Variants in SLCO1A2 observed in about 807,000 individuals in gnomAD.
The protein encoded by SLCO1A2 is OATP-1.
In SLCO1A2, 67 loss-of-function variants were observed where a neutral mutation model predicts 69.0. The ratio of observed to expected loss-of-function variants is 0.97; its 90% confidence interval spans 0.80 to 1.19. SLCO1A2 has a LOEUF of 1.19. Among genes scored for constraint, SLCO1A2 ranks in the 50% most tolerant of loss-of-function variants. The pLI is 0.00. For missense variants in SLCO1A2, 787 were observed against 793.7 expected (o/e 0.99, Z 0.10); for synonymous variants, 260 against 265.9 (o/e 0.98, Z 0.22).
intron 4 of SLCO1A2, among the ~76,000 whole-genome samples, chr12:21,312,714 G>A (rs1409994598): frequency 1.3e-5 from 2 of 151,932 alleles, no homozygotes; most frequent in East Asian, 1.9e-4. Flanking sequence ...CCAAGGAAAG[G>A]GCAAAAAATG....
intron 2 of SLCO1A2, among the ~76,000 whole-genome samples, chr12:21,361,336 A>C (rs1411743877): frequency 1.3e-5 from 2 of 152,240 alleles, no homozygotes; most frequent in Non-Finnish European, 2.9e-5. Context: ...GACTGTTAGA[A>C]GGAAAACTAA....
At chr12:21,277,874 G>A (rs1944153885) in intron 12 of SLCO1A2, among the ~76,000 whole-genome samples, 1 of 152,168 alleles carries the variant, frequency 6.6e-6, no homozygotes, top group South Asian at 2.1e-4. Flanking sequence ...CCAGGCCAGG[G>A]TCTGGTAATA....
intron 2 of SLCO1A2, among the ~76,000 whole-genome samples, chr12:21,344,908 C>T (rs1953203070): frequency 6.6e-6 from 1 of 151,950 alleles, no homozygotes; most frequent in South Asian, 2.1e-4. Flanking sequence ...ATTGCTTCTA[C>T]CTTTTCTTGA....
intron 1 of SLCO1A2, among the ~76,000 whole-genome samples, chr12:21,401,188 T>G (rs1941690745): frequency 6.6e-6 from 1 of 151,856 alleles, no homozygotes; most frequent in South Asian, 2.1e-4. Flanking sequence ...CAAAATATAT[T>G]TAATTATAGA....
Position 21,381,195 on chromosome 12 carries a change from C to T in SLCO1A2, c.-189-6670G>A, listed in dbSNP as rs183272777. 3.3e-5 allele frequency among the ~76,000 whole-genome samples: 5 copies of T among 152,044 alleles called. No homozygotes were observed. In the South Asian group the frequency reaches 8.3e-4, roughly 25 times the overall value. ...GTAATTAAACTAAAAAGCTTCTGCA[C>T]AGCAGGAGAAATAATAAACAGAGTA... On this transcript the variant is annotated intron_variant, in intron 1 of 15. Transcript: ENST00000307378.
At chr12:21,305,456 T>C (rs1949249295) in intron 5 of SLCO1A2, among the ~76,000 whole-genome samples, 3 of 152,254 alleles carry the variant, frequency 2.0e-5, no homozygotes, top group Admixed American at 6.5e-5. Flanking sequence ...TTGTGAGTGC[T>C]ATCTCTCCAT....
At chr12:21,391,232 A>G (rs1385857893) in intron 1 of SLCO1A2, among the ~76,000 whole-genome samples, 1 of 152,112 alleles carries the variant, frequency 6.6e-6, no homozygotes, top group African/African-American at 2.4e-5. Flanking sequence ...CAGCATTACT[A>G]TAAGTGATGA....
At position 21,269,735 on chromosome 12, in the gene SLCO1A2, CTT is replaced by C; in HGVS notation, c.1824_1825del (p.Gly610IlefsTer21). On this transcript the variant is annotated frameshift_variant, in exon 15 of 15. Transcript: ENST00000683939. LOFTEE classifies it low-confidence loss of function (END_TRUNC). ...TAAGGCTGGAACAAAGCTTGATCCT[CTT>C]AGTGCTGCCGGCAATCCGAGGTAGA... 1.9e-6 allele frequency: 3 copies of C among 1,611,804 alleles called. No homozygotes were observed. Among genetic ancestry groups the C allele is most frequent in the Non-Finnish European group, 2.5e-6 (3 of 1,178,564 alleles).
chr12:21,333,349 CTG>C (rs1952728480), intron 2 of SLCO1A2, among the ~76,000 whole-genome samples: 1 of 152,100 alleles, frequency 6.6e-6, no homozygotes, highest in Non-Finnish European at 1.5e-5. Flanking sequence ...TAAATAATCT[CTG>C]TATTTATAAA....
At chr12:21,283,978 C>T (rs980011274) in intron 12 of SLCO1A2, among the ~76,000 whole-genome samples, 1 of 152,104 alleles carries the variant, frequency 6.6e-6, no homozygotes, top group African/African-American at 2.4e-5. Context: ...TAAATAAGTA[C>T]AACTACTATG....
Position 21,267,955 on chromosome 12 carries a change from G to T in SLCO1A2, c.*1593C>A, listed in dbSNP as rs968944938. ...TTTAGTTCCTCTCTCTTGTTTCAAA[G>T]CCAGTCTTGGTTTGAACCTTGGTTA... On this transcript the variant is annotated 3_prime_UTR_variant, in exon 15 of 15. Coordinates refer to ENST00000683939, the MANE Select transcript of SLCO1A2 (RefSeq NM_001386879.1). 2.6e-5 allele frequency: 4 copies of T among 152,022 alleles called. No individual in the cohort carries two copies. The highest frequency in any genetic ancestry group is 1.3e-4 in the Admixed American group (2 of 15,232). 9.4% of individuals were successfully genotyped at this position (152,022 alleles called of 1,614,324 possible).
intron 2 of SLCO1A2, among the ~76,000 whole-genome samples, chr12:21,345,136 C>G (rs1953209791): frequency 6.6e-6 from 1 of 151,810 alleles, no homozygotes; most frequent in Non-Finnish European, 1.5e-5. Flanking sequence ...ATTTTGATCT[C>G]TTTTTGTTTC....
rs1181684404 is a variant in SLCO1A2 at position 21,265,286 on chromosome 12, T to G, written c.*4262A>C. ...ATTTCAGTGCAAGGCCTTATTTCCA[T>G]GAGACTCTGGGAGAACAGCATGCAT... On this transcript the variant is annotated 3_prime_UTR_variant, in exon 15 of 15. Transcript: ENST00000683939. 2.6e-5 allele frequency: 4 copies of G among 152,220 alleles called. No homozygotes were observed. The highest frequency in any genetic ancestry group is 2.6e-4 in the Admixed American group (4 of 15,270). The allele number at this position is 152,220 out of a possible 1,614,324, so 9.4% of individuals were successfully genotyped here. A position where few individuals can be genotyped will look rare whatever the true frequency, so the allele number is the denominator to read the frequency against.
chr12:21,349,758 C>T (rs1713899350), intron 2 of SLCO1A2, among the ~76,000 whole-genome samples: 2 of 152,166 alleles, frequency 1.3e-5, no homozygotes, highest in Admixed American at 6.5e-5. Context: ...ACTTCTGTGC[C>T]TCCCTGCATT....
At chr12:21,288,808 A>G (rs934657900) in intron 12 of SLCO1A2, among the ~76,000 whole-genome samples, 1 of 151,800 alleles carries the variant, frequency 6.6e-6, no homozygotes, top group Middle Eastern at 3.2e-3. Context: ...TATACCCATA[A>G]AAATTTAAAA....
At chr12:21,274,631 T>C (rs769804825) in intron 13 of SLCO1A2, 45 bp from the exon 14 acceptor site, 3 of 1,202,470 alleles carry the variant, frequency 2.5e-6, no homozygotes, top group South Asian at 1.3e-5. Context: ...AGAATTAAGA[T>C]ACTTGATTTA....
intron 1 of SLCO1A2, among the ~76,000 whole-genome samples, chr12:21,411,132 C>A (rs1941900363): frequency 6.6e-6 from 1 of 152,096 alleles, no homozygotes; most frequent in Non-Finnish European, 1.5e-5. Context: ...GCTTTTAGTA[C>A]AGTCAAAATT....
chr12:21,366,382 C>T (rs1279613638), intron 2 of SLCO1A2, among the ~76,000 whole-genome samples: 8 of 145,990 alleles, frequency 5.5e-5, no homozygotes, highest in Non-Finnish European at 1.2e-4. Flanking sequence ...GGGAACATCA[C>T]ACACACGGGC....
intron 8 of SLCO1A2, among the ~76,000 whole-genome samples, chr12:21,299,794 ACACACG>A (rs1948367354): frequency 9.3e-6 from 1 of 107,006 alleles, no homozygotes; most frequent in African/African-American, 4.1e-5. Flanking sequence ...ATATATACAC[ACACACG>A]TATATATATA....
Sources: gnomAD v4.1 joint callset for allele counts (sites outside exome capture counted in the v4.1 genomes callset) on GRCh38, gnomAD v4.1.1 for gene constraint, MANE v1.5 for transcripts, NCBI Gene and HGNC (gene_info 2026-07-23, HGNC 2026-07-21) for gene names.